KPNA4: variants seen among roughly 807,000 people sequenced by gnomAD.
The protein encoded by KPNA4 is importin subunit alpha-3.
A neutral mutation model predicts 71.3 loss-of-function variants in KPNA4; 13 were observed. The ratio of observed to expected loss-of-function variants is 0.18; its 90% CI spans 0.12 to 0.29. The LOEUF is 0.29. KPNA4 is among the 10% of genes least tolerant of loss of function. The probability of loss-of-function intolerance (pLI) is 1.00; values close to 1 mark genes in which losing one functional copy is unlikely to be tolerated. For missense variants in KPNA4, 334 were observed against 603.2 expected, an observed-to-expected ratio of 0.55 and a Z score of 4.67; for synonymous variants, 189 against 195.2, an observed-to-expected ratio of 0.97 and a Z score of 0.26.
At chr3:160,503,442 C>CA (rs1045606032) in intron 16 of KPNA4, among the ~76,000 whole-genome samples, 3 of 151,982 alleles carry the variant, frequency 2.0e-5, no homozygotes, top group Non-Finnish European at 4.4e-5. Context: ...TTCTAAAATT[C>CA]AAAAAAATCC....
chr3:160,507,499 C>CAAA (rs57528939), intron 15 of KPNA4, among the ~76,000 whole-genome samples: 26 of 49,292 alleles, frequency 5.3e-4, no homozygotes, highest in Non-Finnish European at 6.4e-4. Flanking sequence ...GACACTGTCT[C>CAAA]AAAAAAAAAA....
At chr3:160,526,790 C>G (rs1040368129) in intron 8 of KPNA4, among the ~76,000 whole-genome samples, 3 of 152,180 alleles carry the variant, frequency 2.0e-5, no homozygotes, top group Non-Finnish European at 2.9e-5. Context: ...ACTATAATAT[C>G]TGGAGATAAA....
intron 3 of KPNA4, 40 bp downstream of exon 3, chr3:160,535,768 G>C (rs1225831555): frequency 1.3e-6 from 2 of 1,557,278 alleles, no homozygotes; most frequent in Admixed American, 2.3e-5. Flanking sequence ...TCTTTCACTC[G>C]TACTTTTAAG....
intron 2 of KPNA4, 80 bp downstream of exon 2, chr3:160,536,714 AAT>A (rs1355304990): frequency 8.5e-6 from 6 of 707,942 alleles, no homozygotes; most frequent in Non-Finnish European, 1.1e-5. Flanking sequence ...CTAAAAACAT[AAT>A]ATATATTTGG....
intron 8 of KPNA4, among the ~76,000 whole-genome samples, chr3:160,526,938 A>AT (rs1218443122): frequency 6.6e-6 from 1 of 152,236 alleles, no homozygotes; most frequent in African/African-American, 2.4e-5. Context: ...GGGAGTCTGG[A>AT]TATAGAAACA....
chr3:160,524,233 G>A (rs1293765406), intron 10 of KPNA4, among the ~76,000 whole-genome samples: 1 of 152,190 alleles, frequency 6.6e-6, no homozygotes, highest in Non-Finnish European at 1.5e-5. Flanking sequence ...GAGTAAATAG[G>A]TGGAAAGAAC....
At chr3:160,556,728 G>A (rs1232481394) in intron 1 of KPNA4, among the ~76,000 whole-genome samples, 5 of 152,062 alleles carry the variant, frequency 3.3e-5, no homozygotes, top group Admixed American at 2.0e-4. Flanking sequence ...TTTTGGATTT[G>A]GACGCTCAAC....
intron 7 of KPNA4, among the ~76,000 whole-genome samples, chr3:160,530,052 A>G (rs1316216880): frequency 2.0e-5 from 3 of 148,620 alleles, no homozygotes; most frequent in Non-Finnish European, 3.0e-5. Flanking sequence ...GGAGAATGGC[A>G]TGAACCCGGG....
intron 7 of KPNA4, among the ~76,000 whole-genome samples, chr3:160,528,752 C>T (rs546628736): frequency 1.3e-5 from 2 of 152,224 alleles, no homozygotes; most frequent in East Asian, 3.9e-4. Context: ...TGGGATCTTC[C>T]GAATCAGAAA....
intron 1 of KPNA4, among the ~76,000 whole-genome samples, chr3:160,555,371 G>C (rs188368377): frequency 1.3e-5 from 2 of 152,278 alleles, no homozygotes; most frequent in East Asian, 3.9e-4. Flanking sequence ...CATCCATACC[G>C]TTGCATGTGT....
intron 1 of KPNA4, among the ~76,000 whole-genome samples, chr3:160,552,553 C>T (rs888355219): frequency 1.3e-5 from 2 of 152,118 alleles, no homozygotes; most frequent in East Asian, 1.9e-4. Context: ...TATAGTCTGA[C>T]GGGAGAAACT....
At chr3:160,507,930 T>C (rs1721019201) in intron 15 of KPNA4, among the ~76,000 whole-genome samples, 177 bp downstream of exon 15, 1 of 152,248 alleles carries the variant, frequency 6.6e-6, no homozygotes, top group African/African-American at 2.4e-5. Context: ...GCAATTCAGT[T>C]ACCTAAGCAT....
intron 11 of KPNA4, among the ~76,000 whole-genome samples, chr3:160,518,658 G>A (rs932333370): frequency 2.0e-5 from 3 of 151,270 alleles, no homozygotes; most frequent in African/African-American, 4.9e-5. Flanking sequence ...TCAGGAGTTC[G>A]AGACCAGCCT....
chr3:160,549,338 T>G (rs904146403), intron 1 of KPNA4, among the ~76,000 whole-genome samples: 16 of 152,236 alleles, frequency 1.1e-4, no homozygotes, highest in Non-Finnish European at 2.1e-4. Context: ...TTTAAGTGTC[T>G]TATCCAAGAA....
intron 9 of KPNA4, 21 bp downstream of exon 9, chr3:160,525,916 AT>A (rs750978691): frequency 4.6e-5 from 70 of 1,534,562 alleles, no homozygotes; most frequent in South Asian, 1.2e-4. Flanking sequence ...ATCTCTTTTA[AT>A]TTTTTTTTAA....
chr3:160,520,246 ATTGTT>A (rs1287407502), intron 11 of KPNA4, among the ~76,000 whole-genome samples: 1 of 151,496 alleles, frequency 6.6e-6, no homozygotes, highest in Non-Finnish European at 1.5e-5. Context: ...ATGACAAATT[ATTGTT>A]TTTTCTTTTT....
intron 5 of KPNA4, among the ~76,000 whole-genome samples, chr3:160,533,769 A>G (rs1382840284): frequency 6.6e-6 from 1 of 152,198 alleles, no homozygotes; most frequent in Non-Finnish European, 1.5e-5. Flanking sequence ...TATTTTGAAA[A>G]TCAGTTTGCT....
rs1420096157 is a variant in KPNA4 at position 160,497,500 on chromosome 3, A to T, written c.*4604T>A. ...TGCAGCAACTTTTAAAAATTATTGT[A>T]CATATATATTTAAAAGCATACTTTA... On this transcript the variant is annotated 3_prime_UTR_variant, in exon 17 of 17. Transcript: ENST00000334256. 6.6e-6 allele frequency: 1 copy of T among 152,228 alleles called. No homozygotes were observed. The highest frequency in any genetic ancestry group is 1.5e-5 in the Non-Finnish European group (1 of 68,038). 9.4% of individuals were successfully genotyped at this position (152,228 alleles called of 1,614,324 possible). A position where few individuals can be genotyped will look rare whatever the true frequency, so the allele number is the denominator to read the frequency against.
In KPNA4 at chr3:160,502,037, TATAC is replaced by T. The variant is rs1341138792; in HGVS notation, c.*63_*66del. 4.3e-5 allele frequency: 20 copies of T among 461,300 alleles called. No homozygotes were observed. Among genetic ancestry groups the T allele is most frequent in the Non-Finnish European group, 5.7e-5 (15 of 265,370 alleles). 28.6% of individuals were successfully genotyped at this position (461,300 alleles called of 1,614,324 possible). A position where few individuals can be genotyped will look rare whatever the true frequency, so the allele number is the denominator to read the frequency against. ...TTATATATATGTATATATATATATA[TATAC>T]ACACACACATATATATATATATATC... On this transcript the variant is annotated 3_prime_UTR_variant, in exon 17 of 17. Transcript: ENST00000334256.
Sources: gnomAD v4.1 joint callset for allele counts (sites outside exome capture counted in the v4.1 genomes callset) on GRCh38, gnomAD v4.1.1 for gene constraint, MANE v1.5 for transcripts, NCBI Gene and HGNC (gene_info 2026-07-23, HGNC 2026-07-21) for gene names.